BTBD9: variants seen among roughly 807,000 people sequenced by gnomAD.
BTBD9 encodes the protein BTB/POZ domain-containing protein 9.
A neutral mutation model predicts 64.3 loss-of-function variants in BTBD9; 49 were observed. That is an observed-to-expected ratio of 0.76 (90% confidence interval 0.61 to 0.97). BTBD9 has a LOEUF of 0.97. Ranked by LOEUF, BTBD9 falls within the 50% of genes least tolerant of loss-of-function variation. The pLI is 0.00. For missense variants in BTBD9, 598 were observed against 762.1 expected, an observed-to-expected ratio of 0.78 and a Z score of 2.53; for synonymous variants, 260 against 274.7, an observed-to-expected ratio of 0.95 and a Z score of 0.53.
chr6:38,233,474 A>G (rs1444844668), intron 9 of BTBD9, among the ~76,000 whole-genome samples: 1 of 152,228 alleles, frequency 6.6e-6, no homozygotes, highest in African/African-American at 2.4e-5. Flanking sequence ...TATTCTGGAA[A>G]GAGCACACAC....
intron 8 of BTBD9, among the ~76,000 whole-genome samples, chr6:38,284,537 G>C (rs1315350177): frequency 3.9e-5 from 6 of 152,014 alleles, no homozygotes; most frequent in Admixed American, 2.6e-4. Context: ...AAAGATTCTA[G>C]GTTTCCTGTT....
intron 6 of BTBD9, among the ~76,000 whole-genome samples, chr6:38,400,566 G>A (rs182960059): frequency 6.6e-6 from 1 of 152,056 alleles, no homozygotes; most frequent in Admixed American, 6.5e-5. Context: ...ATCTTCCCTA[G>A]GTTCTTCTAA....
intron 1 of BTBD9, among the ~76,000 whole-genome samples, chr6:38,599,422 A>G (rs901024907): frequency 6.6e-6 from 1 of 152,214 alleles, no homozygotes; most frequent in Non-Finnish European, 1.5e-5. Context: ...AGTAGCTGGG[A>G]CTACAGGTGT....
At chr6:38,469,090 T>TA (rs923564402) in intron 6 of BTBD9, among the ~76,000 whole-genome samples, 62 of 146,062 alleles carry the variant, frequency 4.2e-4, no homozygotes, top group East Asian at 2.4e-3. Context: ...AAAGTTGCAT[T>TA]AAAAAAAAAA....
chr6:38,223,842 T>C (rs1186831102), intron 9 of BTBD9, among the ~76,000 whole-genome samples: 1 of 152,104 alleles, frequency 6.6e-6, no homozygotes, highest in East Asian at 1.9e-4. Flanking sequence ...TTCCAATTTC[T>C]CATCTTGCTT....
At chr6:38,272,077 A>C (rs1397848623) in intron 8 of BTBD9, among the ~76,000 whole-genome samples, 1 of 152,174 alleles carries the variant, frequency 6.6e-6, no homozygotes, top group East Asian at 1.9e-4. Flanking sequence ...AGTGCCCAGG[A>C]GCTACATTCT....
chr6:38,639,579 C>A (rs569988103), intron 1 of BTBD9, among the ~76,000 whole-genome samples: 1 of 152,310 alleles, frequency 6.6e-6, no homozygotes, highest in South Asian at 2.1e-4. Flanking sequence ...GTCTACTTCC[C>A]ACTACACCTT....
At chr6:38,367,239 A>C (rs1182372684) in intron 6 of BTBD9, among the ~76,000 whole-genome samples, 1 of 152,256 alleles carries the variant, frequency 6.6e-6, no homozygotes, top group Non-Finnish European at 1.5e-5. Flanking sequence ...TGGAAAGATT[A>C]GTAAAATTTG....
intron 6 of BTBD9, among the ~76,000 whole-genome samples, chr6:38,524,428 G>A (rs1388980404): frequency 2.0e-5 from 3 of 152,142 alleles, no homozygotes; most frequent in Non-Finnish European, 2.9e-5. Context: ...TTGCCTGAAA[G>A]TAGAGAAATG....
chr6:38,409,788 C>T lies in BTBD9; in HGVS notation c.1155-64695G>A, dbSNP rs577709958. 3.9e-5 allele frequency among the ~76,000 whole-genome samples: 6 copies of T among 152,206 alleles called. No individual in the cohort carries two copies. The East Asian group carries it at 1.2e-3, about 29-fold the overall frequency. ...GCAGTGAGCCGAGATCATGCCACTGCACTCCAGCCTGGGCAACAGAGCAAG... is the reference window on the plus strand; with the variant it reads ...GCAGTGAGCCGAGATCATGCCACTGTACTCCAGCCTGGGCAACAGAGCAAG... On this transcript the variant is annotated intron_variant, in intron 6 of 10. Coordinates refer to ENST00000481247, the MANE Select transcript of BTBD9 (RefSeq NM_001099272.2).
intron 9 of BTBD9, among the ~76,000 whole-genome samples, chr6:38,212,131 C>T (rs973270881): frequency 2.6e-5 from 4 of 152,170 alleles, no homozygotes; most frequent in African/African-American, 9.7e-5. Context: ...AAGAGGGGCA[C>T]AGGAGTGGCC....
At chr6:38,321,436 T>G (rs1190508790) in intron 7 of BTBD9, among the ~76,000 whole-genome samples, 1 of 152,142 alleles carries the variant, frequency 6.6e-6, no homozygotes, top group Non-Finnish European at 1.5e-5. Flanking sequence ...AAACCTGTAC[T>G]ATTCTGAAGA....
At chr6:38,483,460 A>G (rs1005373353) in intron 6 of BTBD9, among the ~76,000 whole-genome samples, 2 of 151,680 alleles carry the variant, frequency 1.3e-5, no homozygotes, top group Non-Finnish European at 1.5e-5. Flanking sequence ...GGTCTTCCCT[A>G]TAGTCCATTC....
intron 6 of BTBD9, among the ~76,000 whole-genome samples, chr6:38,451,867 T>C (rs1256413763): frequency 6.6e-6 from 1 of 152,096 alleles, no homozygotes; most frequent in Non-Finnish European, 1.5e-5. Context: ...ACCTGAAAAA[T>C]ACTGTCTGTA....
intron 6 of BTBD9, among the ~76,000 whole-genome samples, chr6:38,451,135 A>C (rs1769524564): frequency 6.6e-6 from 1 of 152,168 alleles, no homozygotes; most frequent in Admixed American, 6.5e-5. Context: ...ACTACTTTGT[A>C]CCACACCAAC....
In BTBD9 at chr6:38,469,987, C is replaced by T. The variant is rs1310815686; in HGVS notation, c.1154+107613G>A. Among the ~76,000 whole-genome samples, 3 of 152,180 alleles carry T rather than the reference C, an allele frequency of 2.0e-5. No homozygotes were observed. In the East Asian group the frequency reaches 5.8e-4, roughly 29 times the overall value. The stretch of plus-strand genomic sequence containing the variant: ...CACTGTCAGAAAATACTGTAAAATA[C>T]TTCCTCAGAAAACAAAAGACATCAA... On this transcript the variant is annotated intron_variant, in intron 6 of 10. Transcript: ENST00000481247.
At chr6:38,430,409 G>T (rs1331039408) in intron 6 of BTBD9, among the ~76,000 whole-genome samples, 1 of 151,496 alleles carries the variant, frequency 6.6e-6, no homozygotes, top group Non-Finnish European at 1.5e-5. Flanking sequence ...GTTTTGTTTA[G>T]AGACAGGGTC....
intron 7 of BTBD9, among the ~76,000 whole-genome samples, chr6:38,338,968 G>A (rs1366549897): frequency 1.3e-5 from 2 of 152,182 alleles, no homozygotes; most frequent in Non-Finnish European, 2.9e-5. Context: ...AACATGCTCT[G>A]CTGGCAAGGC....
chr6:38,193,958 G>GA (rs1470333391), intron 9 of BTBD9: 1 of 902,238 alleles, frequency 1.1e-6, no homozygotes, highest in Non-Finnish European at 1.3e-6. Context: ...CTGTGCCCCT[G>GA]AAACCAGTGT....
Sources: allele counts gnomAD v4.1 joint callset (sites outside exome capture counted in the v4.1 genomes callset), GRCh38; gene constraint gnomAD v4.1.1; transcripts MANE v1.5; gene names NCBI Gene and HGNC (gene_info 2026-07-23, HGNC 2026-07-21).